Variants in MAGI1 observed in about 807,000 individuals in gnomAD.
MAGI1 encodes the protein membrane associated guanylate kinase, WW and PDZ domain containing 1, also known as membrane-associated guanylate kinase, WW and PDZ domain-containing protein 1.
Under a neutral mutation model 139.9 loss-of-function variants are expected in MAGI1, and 58 were observed. The observed-to-expected ratio is 0.41, with a 90% confidence interval of 0.34 to 0.52. The LOEUF is 0.52. MAGI1 is among the 20% of genes least tolerant of loss of function. The pLI is 0.12. For missense variants in MAGI1, 1,874 were observed against 1,901.6 expected, an observed-to-expected ratio of 0.99 and a Z score of 0.27; for synonymous variants, 812 against 737.9, an observed-to-expected ratio of 1.10 and a Z score of -1.63.
intron 2 of MAGI1, among the ~76,000 whole-genome samples, chr3:65,621,221 T>G (rs1468444723): frequency 6.6e-6 from 1 of 152,208 alleles, no homozygotes; most frequent in East Asian, 1.9e-4. Context: ...TTCCCTTGTA[T>G]TTTAAAAGAA....
At chr3:65,743,877 G>A (rs914516364) in intron 1 of MAGI1, among the ~76,000 whole-genome samples, 13 of 151,670 alleles carry the variant, frequency 8.6e-5, no homozygotes, top group African/African-American at 2.9e-4. Context: ...ATAAAGTCTG[G>A]GGAAAATTAA....
chr3:65,846,521 A>C (rs2059001748), intron 1 of MAGI1, among the ~76,000 whole-genome samples: 1 of 152,216 alleles, frequency 6.6e-6, no homozygotes, highest in African/African-American at 2.4e-5. Context: ...ATGCTCTGCC[A>C]CCAGAGTCAT....
intron 1 of MAGI1, chr3:65,688,393 G>A (rs116714142): frequency 1.8e-6 from 1 of 557,924 alleles, no homozygotes; most frequent in African/African-American, 1.9e-5. Context: ...TAGAGAAAAA[G>A]GAAAGGGAGG....
intron 1 of MAGI1, among the ~76,000 whole-genome samples, chr3:65,758,747 G>C (rs750194147): frequency 1.3e-5 from 2 of 152,012 alleles, no homozygotes; most frequent in Non-Finnish European, 1.5e-5. Flanking sequence ...AATATGGCAA[G>C]GTTGAGAAAC....
At chr3:65,737,304 G>C (rs112899129) in intron 1 of MAGI1, among the ~76,000 whole-genome samples, 1 of 152,184 alleles carries the variant, frequency 6.6e-6, no homozygotes, top group Non-Finnish European at 1.5e-5. Flanking sequence ...TGCGCCCAGC[G>C]CATCAAGACT....
intron 2 of MAGI1, among the ~76,000 whole-genome samples, chr3:65,507,134 C>A (rs2077324922): frequency 1.3e-5 from 2 of 152,158 alleles, no homozygotes; most frequent in Admixed American, 6.5e-5. Flanking sequence ...AAGAAAGGTA[C>A]ACTATAGTAC....
chr3:65,886,365 T>C (rs543356897), intron 1 of MAGI1, among the ~76,000 whole-genome samples: 1 of 152,272 alleles, frequency 6.6e-6, no homozygotes, highest in African/African-American at 2.4e-5. Flanking sequence ...TTTCATTTAA[T>C]CTCAAATAAG....
At chr3:65,477,785 TCTCGGCTCACTG>T (rs1950991286) in intron 4 of MAGI1, among the ~76,000 whole-genome samples, 1 of 150,980 alleles carries the variant, frequency 6.6e-6, no homozygotes, top group South Asian at 2.1e-4. Flanking sequence ...AGTGGTGCAA[TCTCGGCTCACTG>T]CAATCTTTGC....
chr3:65,370,937 G>A (rs544539189), intron 18 of MAGI1, among the ~76,000 whole-genome samples: 27 of 152,364 alleles, frequency 1.8e-4, no homozygotes, highest in Admixed American at 2.6e-4. Context: ...GATTACAGGC[G>A]TGTGCCACTG....
chr3:65,518,431 G>A (rs917493364), intron 2 of MAGI1, among the ~76,000 whole-genome samples: 1 of 152,132 alleles, frequency 6.6e-6, no homozygotes, highest in African/African-American at 2.4e-5. Context: ...ATTTTTCGTG[G>A]AAATAAAGGT....
intron 1 of MAGI1, among the ~76,000 whole-genome samples, chr3:66,032,605 G>A (rs916831689): frequency 1.1e-4 from 16 of 151,722 alleles, no homozygotes; most frequent in Non-Finnish European, 1.9e-4. Flanking sequence ...CTATTCTCAT[G>A]GGAGGGGAAA....
intron 1 of MAGI1, among the ~76,000 whole-genome samples, chr3:65,812,491 C>CGCACACACACAG (rs1422250427): frequency 6.7e-6 from 1 of 149,986 alleles, no homozygotes; most frequent in Admixed American, 6.7e-5. Context: ...CACACACACA[C>CGCACACACACAG]TTCTCTATCA....
intron 12 of MAGI1, among the ~76,000 whole-genome samples, chr3:65,424,349 T>C (rs1946853365): frequency 6.6e-6 from 1 of 152,202 alleles, no homozygotes; most frequent in Non-Finnish European, 1.5e-5. Flanking sequence ...TTTATTCAGC[T>C]ATGACTTACT....
At chr3:66,006,154 G>C (rs1403663899) in intron 1 of MAGI1, among the ~76,000 whole-genome samples, 3 of 152,156 alleles carry the variant, frequency 2.0e-5, no homozygotes, top group African/African-American at 7.2e-5. Flanking sequence ...AGCCCTTATT[G>C]TCTATTGCTC....
Position 65,750,748 on chromosome 3 carries a change from G to A in MAGI1, c.314-128660C>T, listed in dbSNP as rs148881420. 3.3e-5 allele frequency among the ~76,000 whole-genome samples: 5 copies of A among 152,230 alleles called. No individual in the cohort carries two copies. The South Asian group carries it at 8.3e-4, about 25-fold the overall frequency. On this transcript the variant is annotated intron_variant, in intron 1 of 22. Transcript: ENST00000402939. ...AATGTGTATTTTTTACAAGTTCCCCGCAAGGTATTTTACATACGCTGAAAG... is the reference window on the plus strand; with the variant it reads ...AATGTGTATTTTTTACAAGTTCCCCACAAGGTATTTTACATACGCTGAAAG...
At chr3:65,911,421 CG>C (rs1452321411) in intron 1 of MAGI1, among the ~76,000 whole-genome samples, 1 of 152,088 alleles carries the variant, frequency 6.6e-6, no homozygotes, top group Non-Finnish European at 1.5e-5. Context: ...AGCTGCCCAG[CG>C]TCCACCTTTC....
At chr3:65,841,811 C>T (rs1185830037) in intron 1 of MAGI1, among the ~76,000 whole-genome samples, 1 of 152,220 alleles carries the variant, frequency 6.6e-6, no homozygotes, top group Admixed American at 6.5e-5. Context: ...TTCACAGGAA[C>T]CTAACTGTAT....
At position 65,439,916 on chromosome 3, in the gene MAGI1, T is replaced by TTGCTGCTGCTGTTGCTGC. The variant is rs774889973; in HGVS notation, c.1215_1232dup (p.Gln416_Gln421dup). On this transcript the variant is annotated inframe_insertion, in exon 9 of 23. Coordinates refer to ENST00000402939, the MANE Select transcript of MAGI1 (RefSeq NM_001033057.2). Reference sequence around the variant, plus strand: ...GCTGCTGCTGCTGCTGCTGCTGCTGTTGCTGCTGCTGTTGCTGCTGCTGCT... The same window carrying TTGCTGCTGCTGTTGCTGC: ...GCTGCTGCTGCTGCTGCTGCTGCTGTTGCTGCTGCTGTTGCTGCTGCTGCTGCTGTTGCTGCTGCTGCT... The TTGCTGCTGCTGTTGCTGC allele has an allele frequency of 1.4e-5, 19 of 1,344,848 alleles. No homozygotes were observed. Among genetic ancestry groups the TTGCTGCTGCTGTTGCTGC allele is most frequent in the Admixed American group, 3.8e-5 (2 of 52,900 alleles). The allele number at this position is 1,344,848 out of a possible 1,614,324, so 83.3% of individuals were successfully genotyped here. A position where few individuals can be genotyped will look rare whatever the true frequency, so the allele number is the denominator to read the frequency against.
chr3:65,514,542 A>G (rs1320778646), intron 2 of MAGI1, among the ~76,000 whole-genome samples: 27 of 150,358 alleles, frequency 1.8e-4, no homozygotes, highest in African/African-American at 6.7e-4. Context: ...TATGCAGCCA[A>G]AAAACACATG....
Sources: allele counts gnomAD v4.1 joint callset (sites outside exome capture counted in the v4.1 genomes callset), GRCh38; gene constraint gnomAD v4.1.1; transcripts MANE v1.5; gene names NCBI Gene and HGNC (gene_info 2026-07-23, HGNC 2026-07-21).